ADGRL2: variants seen among roughly 807,000 people sequenced by gnomAD.
ADGRL2 encodes adhesion G protein-coupled receptor L2, also known as calcium-independent alpha-latrotoxin receptor 2.
Under a neutral mutation model 157.4 loss-of-function variants are expected in ADGRL2, and 44 were observed. That is an observed-to-expected ratio of 0.28 (90% CI 0.22 to 0.36). The LOEUF is 0.36. Ranked by LOEUF, ADGRL2 falls within the 10% of genes least tolerant of loss-of-function variation. ADGRL2 has a pLI of 1.00. For synonymous variants in ADGRL2, 585 were observed against 624.7 expected (o/e 0.94, Z 0.95); for missense variants, 1,510 against 1,768.9 (o/e 0.85, Z 2.63).
intron 2 of ADGRL2, among the ~76,000 whole-genome samples, chr1:81,856,382 G>A (rs890375815): frequency 1.3e-5 from 2 of 152,112 alleles, no homozygotes; most frequent in South Asian, 2.1e-4. Flanking sequence ...CAAGAGAAAC[G>A]TATGGGCTTC....
intron 2 of ADGRL2, among the ~76,000 whole-genome samples, chr1:81,485,161 A>G (rs1016514768): frequency 2.0e-5 from 3 of 148,174 alleles, no homozygotes; most frequent in Non-Finnish European, 1.5e-5. Flanking sequence ...AAGAAAAAAT[A>G]TGTGTTTGAA....
At position 81,815,342 on chromosome 1, in the gene ADGRL2, C is replaced by G. The variant is rs576920968; in HGVS notation, c.-101+14274C>G. 2.6e-5 allele frequency among the ~76,000 whole-genome samples: 4 copies of G among 151,918 alleles called. No homozygotes were observed. The East Asian group carries it at 7.7e-4, about 29-fold the overall frequency. The stretch of plus-strand genomic sequence containing the variant: ...CTTAGTCCAACATTTTACTATTTGA[C>G]AGAGCATCATGCTGTGTTATCTCTT... On this transcript the variant is annotated intron_variant, in intron 1 of 23. Coordinates refer to ENST00000686636, the MANE Select transcript of ADGRL2 (RefSeq NM_001366006.2).
Position 81,532,972 on chromosome 1 carries a change from C to CTATCTATCTATCATCT in ADGRL2, c.-247-47904_-247-47903insTATCTATCTATCATCT, listed in dbSNP as rs200154872. 2.6e-3 allele frequency among the ~76,000 whole-genome samples: 351 copies of CTATCTATCTATCATCT among 137,592 alleles called. 2 individuals are homozygous for CTATCTATCTATCATCT. The highest frequency in any genetic ancestry group is 9.6e-3 in the Admixed American group (135 of 14,076). The allele number at this position is 137,592 out of a possible 152,430, so 90.3% of individuals were successfully genotyped here. A position where few individuals can be genotyped will look rare whatever the true frequency, so the allele number is the denominator to read the frequency against. On this transcript the variant is annotated intron_variant, in intron 2 of 24. Coordinates refer to the ADGRL2 transcript ENST00000370721. Reference sequence around the variant, plus strand: ...TCTATCTATCTATCTATCTATCTATCATCTATCTATCTATCTATCTATCCC... The same window carrying CTATCTATCTATCATCT: ...TCTATCTATCTATCTATCTATCTATCTATCTATCTATCATCTATCTATCTATCTATCTATCTATCCC...
chr1:81,501,540 A>G (rs950278283), intron 2 of ADGRL2, among the ~76,000 whole-genome samples: 1 of 152,242 alleles, frequency 6.6e-6, no homozygotes, highest in Non-Finnish European at 1.5e-5. Context: ...CGAGGCACAG[A>G]GCATGTTTCC....
At chr1:81,842,127 G>T (rs1214381806) in intron 2 of ADGRL2, among the ~76,000 whole-genome samples, 2 of 152,000 alleles carry the variant, frequency 1.3e-5, no homozygotes, top group African/African-American at 2.4e-5. Context: ...GTGCTTAGGG[G>T]TGGTTGTGGT....
chr1:81,312,993 G>C (rs1327096013), intron 1 of ADGRL2, among the ~76,000 whole-genome samples: 1 of 152,016 alleles, frequency 6.6e-6, no homozygotes, highest in Admixed American at 6.6e-5. Flanking sequence ...TCCTTAAATG[G>C]AAAAAATACC....
chr1:81,719,207 A>C (rs2084215487), intron 1 of ADGRL2, among the ~76,000 whole-genome samples: 1 of 152,224 alleles, frequency 6.6e-6, no homozygotes. Context: ...TAGAGTTCTC[A>C]TATTACAATA....
chr1:81,853,701 G>A (rs896343222), intron 2 of ADGRL2, among the ~76,000 whole-genome samples: 10 of 151,946 alleles, frequency 6.6e-5, no homozygotes, highest in Admixed American at 2.0e-4. Flanking sequence ...TTGTTTCTTC[G>A]AGCTTTGTGG....
chr1:81,752,031 T>TC (rs908463076), intron 1 of ADGRL2, among the ~76,000 whole-genome samples: 2 of 152,302 alleles, frequency 1.3e-5, no homozygotes, highest in Middle Eastern at 3.4e-3. Context: ...GTTTATGTTC[T>TC]CCCCCAAATT....
chr1:81,869,095 G>A (rs1346324017), intron 2 of ADGRL2, among the ~76,000 whole-genome samples: 1 of 152,104 alleles, frequency 6.6e-6, no homozygotes, highest in African/African-American at 2.4e-5. Flanking sequence ...GATGGGAGAA[G>A]TGATGTCAAG....
chr1:81,378,115 G>T (rs2076281272), intron 1 of ADGRL2, among the ~76,000 whole-genome samples: 1 of 151,836 alleles, frequency 6.6e-6, no homozygotes, highest in African/African-American at 2.4e-5. Context: ...GGAGGCAGAG[G>T]TTGCAGCGAG....
At chr1:81,662,188 A>ACAAT (rs2082665371) in intron 3 of ADGRL2, among the ~76,000 whole-genome samples, 1 of 152,092 alleles carries the variant, frequency 6.6e-6, no homozygotes, top group Admixed American at 6.5e-5. Flanking sequence ...TTTAAAGTGT[A>ACAAT]CAATTAAGTT....
rs563333968 is a variant in ADGRL2, at chr1:81,773,917, T to C, written c.-101+12065T>C. Among the ~76,000 whole-genome samples the C allele has an allele frequency of 5.3e-5, 8 of 152,188 alleles. No homozygotes were observed. In the East Asian group the frequency reaches 1.6e-3, roughly 30 times the overall value. On this transcript the variant is annotated intron_variant, in intron 2 of 20. Coordinates refer to the ADGRL2 transcript ENST00000359929. ...GGTCATCGGGGTGGCCCCAATGCCA[T>C]ATGACTGGTGGCCTTATAGGAAGGG...
intron 2 of ADGRL2, among the ~76,000 whole-genome samples, chr1:81,766,291 T>C (rs1472432525): frequency 6.6e-6 from 1 of 152,188 alleles, no homozygotes. Context: ...AATATCTTTC[T>C]TGATGAGTGG....
At chr1:81,482,782 C>A (rs1218291248) in intron 2 of ADGRL2, among the ~76,000 whole-genome samples, 1 of 151,568 alleles carries the variant, frequency 6.6e-6, no homozygotes, top group Non-Finnish European at 1.5e-5. Flanking sequence ...TTCACTAAAA[C>A]AGTATCTATC....
chr1:81,941,903 C>T (rs1410256073), intron 4 of ADGRL2, 131 bp from the exon 5 acceptor site: 4 of 503,366 alleles, frequency 7.9e-6, no homozygotes, highest in South Asian at 3.5e-5. Context: ...CAAAGTAGTA[C>T]AGCTCTTAAT....
At chr1:81,401,317 G>A (rs1214907163) in intron 1 of ADGRL2, among the ~76,000 whole-genome samples, 1 of 152,128 alleles carries the variant, frequency 6.6e-6, no homozygotes, top group Non-Finnish European at 1.5e-5. Flanking sequence ...CACACAGGCA[G>A]GGGACCCCAG....
chr1:81,492,452 TG>T (rs2078653098), intron 2 of ADGRL2, among the ~76,000 whole-genome samples: 1 of 152,192 alleles, frequency 6.6e-6, no homozygotes, highest in Non-Finnish European at 1.5e-5. Context: ...ATTCTGATAA[TG>T]ACAGTCTATT....
chr1:81,581,701 T>C (rs2080913641), intron 3 of ADGRL2, among the ~76,000 whole-genome samples: 1 of 152,176 alleles, frequency 6.6e-6, no homozygotes. Flanking sequence ...ATTTCATCAA[T>C]ACTTCTGGAG....
Sources: gnomAD v4.1 joint callset for allele counts (sites outside exome capture counted in the v4.1 genomes callset) on GRCh38, gnomAD v4.1.1 for gene constraint, MANE v1.5 for transcripts, NCBI Gene and HGNC (gene_info 2026-07-23, HGNC 2026-07-21) for gene names.